CAGE1: variants seen among roughly 807,000 people sequenced by gnomAD.
CAGE1 encodes cancer antigen 1.
Under a neutral mutation model 94.9 loss-of-function variants are expected in CAGE1, and 66 were observed. The observed-to-expected ratio is 0.70, with a 90% confidence interval of 0.57 to 0.85. The LOEUF (loss-of-function observed/expected upper bound fraction) is 0.85. Among genes scored for constraint, CAGE1 ranks in the 40% least tolerant of loss-of-function variants. The pLI is 0.00. For missense variants in CAGE1, 865 were observed against 950.4 expected, an observed-to-expected ratio of 0.91 and a Z score of 1.18; for synonymous variants, 319 against 321.0, an observed-to-expected ratio of 0.99 and a Z score of 0.07.
At chr6:7,361,504 T>C (rs972540177) in intron 9 of CAGE1, among the ~76,000 whole-genome samples, 2 of 152,244 alleles carry the variant, frequency 1.3e-5, no homozygotes, top group East Asian at 1.9e-4. Context: ...TGCATATAAG[T>C]ATTCCATCAA....
chr6:7,330,727 G>A (rs1311662189), intron 12 of CAGE1, among the ~76,000 whole-genome samples: 3 of 152,214 alleles, frequency 2.0e-5, no homozygotes, highest in Non-Finnish European at 4.4e-5. Context: ...GCTGAAAGCT[G>A]ATGTAGGTCT....
chr6:7,373,962 A>G lies in CAGE1; in HGVS notation c.857T>C (p.Met286Thr), dbSNP rs778845517. The G allele has an allele frequency of 1.3e-5, 21 of 1,613,908 alleles. No individual in the cohort carries two copies. The highest frequency in any genetic ancestry group is 1.6e-4 in the Middle Eastern group (1 of 6,084). Residue 286 changes from methionine (M) to threonine (T), a missense_variant, in exon 5 of 14, where the codon ATG (methionine) becomes ACG (threonine). By Grantham distance (81) the Met-to-Thr change is moderately conservative. Coordinates refer to ENST00000502583, the MANE Select transcript of CAGE1 (RefSeq NM_001170692.2). ...TTCAGCACTTTGCTCCCAGTCAGGC[A>G]TCTCACAGTTCTCCCGACATGCTTC... is the stretch of plus-strand genomic sequence containing the variant. The part of the protein sequence containing the change: ...RSEACRENCE[M>T]PDWEQSAESL...
At chr6:7,371,829 C>CGTGT (rs1192481144) in intron 5 of CAGE1, among the ~76,000 whole-genome samples, 1 of 152,046 alleles carries the variant, frequency 6.6e-6, no homozygotes, top group African/African-American at 2.4e-5. Context: ...TAAACTTACA[C>CGTGT]ATTTTTCTAG....
At chr6:7,382,378 T>A (rs912813514) in intron 3 of CAGE1, among the ~76,000 whole-genome samples, 1 of 151,838 alleles carries the variant, frequency 6.6e-6, no homozygotes, top group Non-Finnish European at 1.5e-5. Context: ...CTCGGCTCAC[T>A]GCAACCTTCG....
At chr6:7,345,140 AGG>A (rs1759398690) in intron 11 of CAGE1, among the ~76,000 whole-genome samples, 3 of 42,094 alleles carry the variant, frequency 7.1e-5, no homozygotes, top group African/African-American at 5.2e-4. Context: ...TATTGCTTTT[AGG>A]AGCTAGGTCC....
chr6:7,338,722 CAAGTCCCCA>C (rs1350634068), intron 11 of CAGE1: 2 of 660,764 alleles, frequency 3.0e-6, no homozygotes, highest in South Asian at 1.7e-5. Flanking sequence ...CTCTTTCCCC[CAAGTCCCCA>C]AAGTCCACTG....
chr6:7,353,200 A>C (rs922153029), intron 11 of CAGE1, among the ~76,000 whole-genome samples: 2 of 152,142 alleles, frequency 1.3e-5, no homozygotes, highest in African/African-American at 4.8e-5. Flanking sequence ...CAGTAAGAAA[A>C]AAATAATCCC....
At chr6:7,333,208 C>G (rs1758815867) in intron 12 of CAGE1, among the ~76,000 whole-genome samples, 1 of 152,128 alleles carries the variant, frequency 6.6e-6, no homozygotes, top group African/African-American at 2.4e-5. Flanking sequence ...GCCTCAGTCT[C>G]CCAAAGTGCT....
At chr6:7,386,035 T>A (rs947225897) in intron 2 of CAGE1, among the ~76,000 whole-genome samples, 163 bp from the exon 3 acceptor site, 2 of 152,242 alleles carry the variant, frequency 1.3e-5, no homozygotes, top group African/African-American at 4.8e-5. Context: ...TCCCTTTTAG[T>A]AAAACTATGC....
At chr6:7,357,120 T>A (rs1360806221) in intron 9 of CAGE1, among the ~76,000 whole-genome samples, 1 of 152,070 alleles carries the variant, frequency 6.6e-6, no homozygotes, top group Admixed American at 6.6e-5. Flanking sequence ...TATACTTACA[T>A]GTCTGTAGTG....
At chr6:7,374,216 A>C (rs772309040) in intron 4 of CAGE1, 85 bp from the exon 5 acceptor site, 4 of 1,071,404 alleles carry the variant, frequency 3.7e-6, no homozygotes, top group Non-Finnish European at 5.4e-6. Flanking sequence ...CTTGAATTCT[A>C]TTAGTAGATC....
At chr6:7,333,804 A>C (rs533387096) in intron 12 of CAGE1, among the ~76,000 whole-genome samples, 42 of 151,460 alleles carry the variant, frequency 2.8e-4, no homozygotes, top group African/African-American at 9.7e-4. Context: ...AGTAGCTGGG[A>C]TTACAGGCAC....
intron 11 of CAGE1, among the ~76,000 whole-genome samples, chr6:7,335,081 G>GC (rs1758905772): frequency 6.6e-6 from 1 of 152,106 alleles, no homozygotes; most frequent in Admixed American, 6.5e-5. Context: ...AGGGGGCTTG[G>GC]CCCCACATCA....
At chr6:7,336,015 A>G (rs1758942044) in intron 11 of CAGE1, among the ~76,000 whole-genome samples, 1 of 152,208 alleles carries the variant, frequency 6.6e-6, no homozygotes, top group South Asian at 2.1e-4. Context: ...TATAACTTGT[A>G]GATTGTCATT....
Position 7,345,603 on chromosome 6 carries a change from C to T in CAGE1, c.2369+9438G>A, listed in dbSNP as rs1759460185. Among the ~76,000 whole-genome samples, 3 of 152,176 alleles carry T rather than the reference C, an allele frequency of 2.0e-5. 1 individual carries two copies. In the East Asian group the frequency reaches 5.8e-4, roughly 29 times the overall value. On this transcript the variant is annotated intron_variant, in intron 11 of 13. Coordinates refer to ENST00000502583, the MANE Select transcript of CAGE1 (RefSeq NM_001170692.2). ...TGTCACTAATAGCTTTCATAGTAAA[C>T]AGCTGTTTCTAACGTCTAAGGCCTG...
rs1278670057 is a variant in CAGE1, at chr6:7,362,577, G to A, written c.2193+2891C>T. Among the ~76,000 whole-genome samples the A allele has an allele frequency of 6.6e-6, 1 of 152,162 alleles. No individual in the cohort carries two copies. Among genetic ancestry groups the A allele is most frequent in the Admixed American group, 6.5e-5 (1 of 15,276 alleles). On this transcript the variant is annotated intron_variant, in intron 9 of 13. Transcript: ENST00000502583. This position sits in a 1 kb window ranked among gnomAD's most constrained non-coding sequence, Gnocchi z 4.1. Reference sequence around the variant, plus strand: ...GGCAGGGTCAGAACTGTGAAGAGGAGCCAACGGCAAGGGGTCAGAAGGACA... The same window carrying A: ...GGCAGGGTCAGAACTGTGAAGAGGAACCAACGGCAAGGGGTCAGAAGGACA...
Position 7,369,902 on chromosome 6 carries a change from TA to T in CAGE1, c.1893+16del. ...ATTCCTCCCCTACTAAAATATCTAA[TA>T]TATATGTTTTATTACCTGGCATGTG... is the stretch of plus-strand genomic sequence containing the variant. On this transcript the variant is annotated intron_variant, in intron 6 of 13. Transcript: ENST00000502583. 6.3e-7 allele frequency: 1 copy of T among 1,598,986 alleles called. No homozygotes were observed.
chr6:7,366,392 G>GC (rs1279501572), intron 7 of CAGE1, among the ~76,000 whole-genome samples: 8 of 152,176 alleles, frequency 5.3e-5, no homozygotes, highest in African/African-American at 1.7e-4. Flanking sequence ...TGGCAAGGCT[G>GC]CCCCATGACT....
Position 7,368,763 on chromosome 6 carries a change from C to A in CAGE1, c.1929G>T (p.Glu643Asp). The A allele has an allele frequency of 6.4e-7, 1 of 1,558,244 alleles. No individual in the cohort carries two copies. The highest frequency in any genetic ancestry group is 8.7e-7 in the Non-Finnish European group (1 of 1,150,872). Residue 643 changes from glutamate (E) to aspartate (D), a missense_variant, in exon 7 of 14, where the codon GAG (glutamate) becomes GAT (aspartate). By Grantham distance (45) the Glu-to-Asp change is conservative. Transcript: ENST00000502583. ...GCATTATATCACTAACCTTCTCACT[C>A]TCTTTGAAATGTTCAGCATCAGAAT... ...IINSDAEHFKESEKVSDIMLQ... is the reference protein window; with the variant it reads ...IINSDAEHFKDSEKVSDIMLQ...
Sources: gnomAD v4.1 joint callset for allele counts (sites outside exome capture counted in the v4.1 genomes callset) on GRCh38, gnomAD v4.1.1 for gene constraint, Gnocchi (gnomAD v3.1) non-coding constraint, MANE v1.5 for transcripts, NCBI Gene and HGNC (gene_info 2026-07-23, HGNC 2026-07-21) for gene names.